Variants in KRIT1 observed in about 807,000 individuals in gnomAD.
The protein encoded by KRIT1 is krev interaction trapped protein 1.
KRIT1 carries 45 observed loss-of-function variants against 95.8 expected under a neutral mutation model. That is an observed-to-expected ratio of 0.47 (90% confidence interval 0.37 to 0.60). The LOEUF (loss-of-function observed/expected upper bound fraction) is 0.60. Ranked by LOEUF, KRIT1 falls within the 20% of genes least tolerant of loss-of-function variation. KRIT1 has a pLI of 0.00. For missense variants in KRIT1, 788 were observed against 877.5 expected, an observed-to-expected ratio of 0.90 and a Z score of 1.29; for synonymous variants, 282 against 278.8, an observed-to-expected ratio of 1.01 and a Z score of -0.11.
chr7:92,222,751 T>C, intron 13 of KRIT1, 71 bp downstream of exon 13: 1 of 891,920 alleles, frequency 1.1e-6, no homozygotes. Flanking sequence ...AAAAAGAAGT[T>C]GTATTTTCTA....
chr7:92,231,606 G>A (rs559573198), intron 10 of KRIT1, among the ~76,000 whole-genome samples: 2 of 152,186 alleles, frequency 1.3e-5, no homozygotes, highest in African/African-American at 2.4e-5. Flanking sequence ...ACAGTCAAGA[G>A]CCCAGTGTCC....
chr7:92,214,930 CAG>C (rs1584808485), intron 14 of KRIT1, among the ~76,000 whole-genome samples, 153 bp from the exon 15 acceptor site: 1 of 152,090 alleles, frequency 6.6e-6, no homozygotes, highest in East Asian at 1.9e-4. Flanking sequence ...TATTAAGGCC[CAG>C]AGAGTAGTAT....
chr7:92,228,820 C>A (rs967167327), intron 10 of KRIT1, among the ~76,000 whole-genome samples: 6 of 152,044 alleles, frequency 3.9e-5, no homozygotes, highest in African/African-American at 1.4e-4. Flanking sequence ...TCAGCTCCCA[C>A]GTATAAGTGG....
At chr7:92,222,129 A>C in intron 13 of KRIT1, 76 bp from the exon 14 acceptor site, 2 of 1,085,668 alleles carry the variant, frequency 1.8e-6, no homozygotes, top group Non-Finnish European at 2.9e-6. Context: ...TTTGTATTAA[A>C]CTGTCTGCAC....
chr7:92,212,394 T>C (rs1793048811), intron 17 of KRIT1, among the ~76,000 whole-genome samples: 1 of 152,216 alleles, frequency 6.6e-6, no homozygotes, highest in Admixed American at 6.5e-5. Context: ...TGAATGTTTG[T>C]GTCCTGCCTC....
rs765983609 is a variant in KRIT1 at position 92,235,475 on chromosome 7, C to G, written c.657G>C (p.Met219Ile). Reference sequence around the variant, plus strand: ...AGGTATCTGCTTTCTCTAGGGCTAACATTTTACTCTTTATTTCTAGTGCAC... The same window carrying G: ...AGGTATCTGCTTTCTCTAGGGCTAAGATTTTACTCTTTATTTCTAGTGCAC... ...GYSALEIKSK[M>I]LALEKADTCI... The change falls in exon 8 of 19, where the codon ATG (methionine) becomes ATC (isoleucine). Residue 219 changes from methionine (M) to isoleucine (I), a missense_variant. Around this residue, in one of 3 missense-constraint regions of KRIT1, gnomAD observed 289 missense variants for 277.5 expected, o/e 1.04. Transcript: ENST00000394505. 1 of 1,613,314 alleles carries G rather than the reference C, an allele frequency of 6.2e-7. No homozygotes were observed. Among genetic ancestry groups the G allele is most frequent in the African/African-American group, 1.3e-5 (1 of 74,926 alleles).
intron 10 of KRIT1, among the ~76,000 whole-genome samples, chr7:92,233,547 C>A (rs1255386281): frequency 6.6e-6 from 1 of 151,852 alleles, no homozygotes; most frequent in Non-Finnish European, 1.5e-5. Flanking sequence ...GCTGGGATTA[C>A]AGGCGTGCAC....
At chr7:92,223,634 G>C (rs1280761372) in intron 12 of KRIT1, among the ~76,000 whole-genome samples, 1 of 151,916 alleles carries the variant, frequency 6.6e-6, no homozygotes, top group Non-Finnish European at 1.5e-5. Context: ...ATACAAACTT[G>C]GTTACTGAAT....
In KRIT1 at chr7:92,236,348, C is replaced by G. The variant is rs17164451; in HGVS notation, c.485+65G>C. 134,643 of 1,090,638 alleles carry G rather than the reference C, an allele frequency of 0.12. 11,516 individuals carry two copies. The highest frequency in any genetic ancestry group is 0.37 in the East Asian group (15,297 of 41,814). The allele number at this position is 1,090,638 out of a possible 1,614,324, so 67.6% of individuals were successfully genotyped here. On this transcript the variant is annotated intron_variant, in intron 7 of 18. Transcript: ENST00000394505. ...CTTCTCAAAGTGTCTGTATCTATGACAACTAATTTCTACTATAAACATGTA... is the reference window on the plus strand; with the variant it reads ...CTTCTCAAAGTGTCTGTATCTATGAGAACTAATTTCTACTATAAACATGTA...
intron 18 of KRIT1, 86 bp downstream of exon 18, chr7:92,201,221 G>C: frequency 2.6e-6 from 2 of 760,892 alleles, no homozygotes; most frequent in Non-Finnish European, 4.7e-6. Context: ...GGTTTTCCTT[G>C]AAGTTAAATG....
rs112567410 is a variant in KRIT1 at position 92,200,416 on chromosome 7, G to A, written c.*320C>T. The A allele has an allele frequency of 0.023, 7,146 of 317,122 alleles. 139 individuals are homozygous for A. Among genetic ancestry groups the A allele is most frequent in the Non-Finnish European group, 0.032 (5,362 of 165,476 alleles). 19.6% of individuals were successfully genotyped at this position (317,122 alleles called of 1,614,324 possible). A position where few individuals can be genotyped will look rare whatever the true frequency, so the allele number is the denominator to read the frequency against. On this transcript the variant is annotated 3_prime_UTR_variant, in exon 19 of 19. Transcript: ENST00000394505. ...GTCACCCAGGCTAGCGTGCCGTGGT[G>A]CAATCTTGGCTCACTACAACCTCCA...
chr7:92,226,132 T>C (rs945307288), intron 11 of KRIT1, among the ~76,000 whole-genome samples: 4 of 152,202 alleles, frequency 2.6e-5, no homozygotes, highest in Non-Finnish European at 5.9e-5. Flanking sequence ...TTTATGAAAT[T>C]CTGGAAAATC....
intron 11 of KRIT1, 42 bp downstream of exon 11, chr7:92,226,484 A>G: frequency 6.8e-7 from 1 of 1,461,620 alleles, no homozygotes; most frequent in South Asian, 1.1e-5. Flanking sequence ...CTTGTTATTC[A>G]CTGCTTGAAT....
intron 6 of KRIT1, 92 bp downstream of exon 6, chr7:92,237,575 G>C: frequency 1.6e-6 from 1 of 642,944 alleles, no homozygotes; most frequent in South Asian, 2.1e-5. Context: ...TATTATAGTA[G>C]TAACTATGAA....
rs529081055 is a variant in KRIT1, at chr7:92,202,414, A to G, written c.2026-991T>C. 10 of 152,340 alleles carry G rather than the reference A, an allele frequency of 6.6e-5. No individual in the cohort carries two copies. In the South Asian group the frequency reaches 2.1e-3, roughly 32 times the overall value. 9.4% of individuals were successfully genotyped at this position (152,340 alleles called of 1,614,324 possible). On this transcript the variant is annotated intron_variant, in intron 17 of 18. Transcript: ENST00000394505. The stretch of plus-strand genomic sequence containing the variant: ...AATACTGTATATAAGCAGACATTCA[A>G]TATATCCTTGTTAATAACAATTCTC...
In KRIT1 at chr7:92,234,839, G is replaced by A; in HGVS notation, c.814C>T (p.Gln272Ter). ...KIQIPKQEKWQRSMSSVTEDK... is the reference protein window; with the variant it reads ...KIQIPKQEKW ...TCTGTGACACTGCTCATGCTTCTCT[G>A]CCATTTTTCCTGTTTAGGTATTTGG... is the stretch of plus-strand genomic sequence containing the variant. Residue 272 changes from glutamine (Q) to a stop codon, truncating the protein, a stop_gained, in exon 9 of 19, where the codon CAG (glutamine) becomes TAG (stop). Coordinates refer to ENST00000394505, the MANE Select transcript of KRIT1 (RefSeq NM_194454.3). LOFTEE classifies it high-confidence loss of function. The A allele has an allele frequency of 6.2e-7, 1 of 1,607,520 alleles. No individual in the cohort carries two copies. Among genetic ancestry groups the A allele is most frequent in the Non-Finnish European group, 8.5e-7 (1 of 1,174,054 alleles).
At chr7:92,242,353 T>A (rs553539400) in intron 3 of KRIT1, among the ~76,000 whole-genome samples, 1 of 152,360 alleles carries the variant, frequency 6.6e-6, no homozygotes, top group South Asian at 2.1e-4. Flanking sequence ...GTTCAACTAC[T>A]CAAAACCTTA....
intron 5 of KRIT1, among the ~76,000 whole-genome samples, chr7:92,238,394 G>A (rs1798866862): frequency 6.6e-6 from 1 of 152,160 alleles, no homozygotes; most frequent in Non-Finnish European, 1.5e-5. Flanking sequence ...CCTCGTTCCT[G>A]CCCCAGGTAG....
Position 92,244,887 on chromosome 7 carries a change from G to C in KRIT1, c.-151+15C>G, listed in dbSNP as rs534587053. 1.3e-5 allele frequency: 2 copies of C among 152,150 alleles called. 1 individual carries two copies. The highest frequency in any genetic ancestry group is 4.2e-4 in the South Asian group (2 of 4,814). 9.4% of individuals were successfully genotyped at this position (152,150 alleles called of 1,614,324 possible). A position where few individuals can be genotyped will look rare whatever the true frequency, so the allele number is the denominator to read the frequency against. On this transcript the variant is annotated intron_variant, in intron 2 of 18. Coordinates refer to ENST00000394505, the MANE Select transcript of KRIT1 (RefSeq NM_194454.3). ...AGCAGTGGAAGTGGTCCTTAATTAG[G>C]GGGGTGGCACCTACCTGGGATCACT...
Sources: allele counts gnomAD v4.1 joint callset (sites outside exome capture counted in the v4.1 genomes callset), GRCh38; gene constraint gnomAD v4.1.1; regional missense constraint gnomAD v4.1.1; transcripts MANE v1.5; gene names NCBI Gene and HGNC (gene_info 2026-07-23, HGNC 2026-07-21).